Variants in CWF19L1 observed in about 807,000 individuals in gnomAD.
The protein encoded by CWF19L1 is CWF19-like protein 1.
CWF19L1 carries 60 observed loss-of-function variants against 69.7 expected under a neutral mutation model. That is an observed-to-expected ratio of 0.86 (90% CI 0.70 to 1.07). The LOEUF (loss-of-function observed/expected upper bound fraction) is 1.07. Ranked by LOEUF, CWF19L1 falls within the 50% of genes least tolerant of loss-of-function variation. The pLI, the probability that CWF19L1 is intolerant of heterozygous loss-of-function variation, is 0.00. For synonymous variants in CWF19L1, 209 were observed against 222.2 expected (o/e 0.94, Z 0.53); for missense variants, 591 against 638.9 (o/e 0.92, Z 0.81).
intron 6 of CWF19L1, among the ~76,000 whole-genome samples, chr10:100,252,442 A>AG (rs1847069015): frequency 6.6e-6 from 1 of 151,832 alleles, no homozygotes; most frequent in African/African-American, 2.4e-5. Flanking sequence ...CTCAAAAAAA[A>AG]GAACTTGACC....
intron 12 of CWF19L1, among the ~76,000 whole-genome samples, chr10:100,236,122 A>G (rs1393303089): frequency 9.4e-6 from 1 of 105,932 alleles, no homozygotes; most frequent in Non-Finnish European, 1.8e-5. Context: ...TTTTTTTTTT[A>G]GAGACAGGGT....
Position 100,233,242 on chromosome 10 carries a change from A to C in CWF19L1, c.1602T>G (p.Phe534Leu). The C allele has an allele frequency of 6.2e-7, 1 of 1,612,614 alleles. No individual in the cohort carries two copies. The change falls in exon 14 of 14, where the codon TTT becomes TTG. Residue 534 changes from phenylalanine (F) to leucine (L), a missense_variant. Phe to Leu is a conservative substitution (Grantham distance 22). Coordinates refer to ENST00000354105, the MANE Select transcript of CWF19L1 (RefSeq NM_018294.6). ...TCCCTTTGTTTTAGTCATCCAGAGTAAAGTCATAGGGCTCAAAGTCTTTCC... is the reference window on the plus strand; with the variant it reads ...TCCCTTTGTTTTAGTCATCCAGAGTCAAGTCATAGGGCTCAAAGTCTTTCC... ...RFRKDFEPYD[F>L]TLDD
chr10:100,237,805 C>G (rs141173907), intron 11 of CWF19L1, among the ~76,000 whole-genome samples: 1,679 of 152,078 alleles, frequency 0.011, 19 homozygotes, highest in African/African-American at 0.038. Context: ...CACCACCACG[C>G]CCAGCTAATT....
rs537058145 is a variant in CWF19L1 at position 100,255,632 on chromosome 10, G to C, written c.504+630C>G. On this transcript the variant is annotated intron_variant, in intron 5 of 13. Coordinates refer to ENST00000354105, the MANE Select transcript of CWF19L1 (RefSeq NM_018294.6). ...CAAAAAATTAGCCAGGCATGGCAGT[G>C]TGCGCCTATAGTCCCAGCTACTTGG... 2.0e-3 allele frequency among the ~76,000 whole-genome samples: 306 copies of C among 152,118 alleles called. 1 individual carries two copies. The highest frequency in any genetic ancestry group is 6.8e-3 in the African/African-American group (283 of 41,496).
rs11190431 is a variant in CWF19L1, at chr10:100,237,733, G to A, written c.1254+289C>T. Among the ~76,000 whole-genome samples, 32,189 of 151,794 alleles carry A rather than the reference G, an allele frequency of 0.21. 6,329 individuals carry two copies. Among genetic ancestry groups the A allele is most frequent in the African/African-American group, 0.53 (21,710 of 41,336 alleles). Reference sequence around the variant, plus strand: ...ACAATCTCGGCTCACTGCAACCTCTGCCTCCCAGGTTCAAGCTATTCTCCT... The same window carrying A: ...ACAATCTCGGCTCACTGCAACCTCTACCTCCCAGGTTCAAGCTATTCTCCT... On this transcript the variant is annotated intron_variant, in intron 11 of 13. Transcript: ENST00000354105.
chr10:100,250,322 T>C lies in CWF19L1; in HGVS notation c.634A>G (p.Ile212Val), dbSNP rs2134299713. The change falls in exon 7 of 14, where the codon ATT becomes GTT. Residue 212 changes from isoleucine (I) to valine (V), a missense_variant. Physicochemically the swap from Ile to Val is conservative, Grantham distance 29. This residue lies in a region of CWF19L1 where 458 missense variants were observed against 489.3 expected (regional missense o/e 0.94). Transcript: ENST00000354105. ...GCATGCTGTGCATTTTCCTGTAGAA[T>C]GATATGGTTTCTACAACATATTTGA... ...YERLPYRNHI[I>V]LQENAQHATR... The C allele has an allele frequency of 6.2e-7, 1 of 1,605,860 alleles. No individual in the cohort carries two copies. The highest frequency in any genetic ancestry group is 1.1e-5 in the South Asian group (1 of 90,916).
At chr10:100,248,713 G>A (rs983320118) in intron 7 of CWF19L1, 13 of 1,111,114 alleles carry the variant, frequency 1.2e-5, no homozygotes, top group Admixed American at 3.5e-5. Context: ...GATGAGCAAC[G>A]ACCTTACAGA....
intron 4 of CWF19L1, among the ~76,000 whole-genome samples, chr10:100,258,882 A>C (rs891058024): frequency 1.3e-5 from 2 of 149,760 alleles, no homozygotes; most frequent in Non-Finnish European, 3.0e-5. Context: ...CAAGGAGGAA[A>C]TGTGAAGAAT....
At chr10:100,264,022 T>C (rs1313032411) in intron 1 of CWF19L1, among the ~76,000 whole-genome samples, 1 of 152,192 alleles carries the variant, frequency 6.6e-6, no homozygotes, top group Non-Finnish European at 1.5e-5. Context: ...GGACCACATA[T>C]GTAATGGTGG....
At chr10:100,243,631 C>A (rs1042732394) in intron 10 of CWF19L1, 67 bp downstream of exon 10, 7 of 1,328,560 alleles carry the variant, frequency 5.3e-6, no homozygotes, top group Non-Finnish European at 7.6e-6. Flanking sequence ...GTAGATTATG[C>A]CTCAATAAAG....
chr10:100,245,825 G>C lies in CWF19L1; in HGVS notation c.938C>G (p.Pro313Arg). Residue 313 changes from proline (P) to arginine (R), a missense_variant, in exon 9 of 14, where the codon CCT (proline) becomes CGT (arginine). By Grantham distance (103) the Pro-to-Arg change is moderately radical. Around this residue, in one of 3 missense-constraint regions of CWF19L1, gnomAD observed 458 missense variants for 489.3 expected, o/e 0.94. Coordinates refer to ENST00000354105, the MANE Select transcript of CWF19L1 (RefSeq NM_018294.6). ...AGGTTTGCGAGGCTGCTTTGGATGA[G>C]GAGAAGATTTGCTATCTCTACCTGT... ...SSTGRDSKSS[P>R]HPKQPRKPPQ... 6.2e-7 allele frequency: 1 copy of C among 1,614,080 alleles called. No homozygotes were observed. The highest frequency in any genetic ancestry group is 1.1e-5 in the South Asian group (1 of 91,092).
intron 13 of CWF19L1, chr10:100,234,028 A>G (rs1443598112): frequency 6.6e-6 from 1 of 152,226 alleles, no homozygotes; most frequent in African/African-American, 2.4e-5. Flanking sequence ...GGACTAAAGA[A>G]TAACTACATA....
chr10:100,245,942 T>C (rs371905170), intron 8 of CWF19L1, 29 bp from the exon 9 acceptor site: 3 of 1,525,744 alleles, frequency 2.0e-6, no homozygotes, highest in Admixed American at 1.7e-5. Context: ...GAAGATTAAA[T>C]GTTATTCAAC....
chr10:100,264,643 C>T (rs1847513662), intron 1 of CWF19L1, among the ~76,000 whole-genome samples: 1 of 151,428 alleles, frequency 6.6e-6, no homozygotes, highest in African/African-American at 2.4e-5. Flanking sequence ...TGTAAAAAAG[C>T]CTCAGGCAGG....
At chr10:100,267,440 C>T (rs1847638667) in intron 1 of CWF19L1, 131 bp downstream of exon 1, 14 of 1,578,790 alleles carry the variant, frequency 8.9e-6, no homozygotes, top group Non-Finnish European at 8.6e-6. Flanking sequence ...ATCACCTAAG[C>T]TCCCCAGCAG....
rs750444135 is a variant in CWF19L1 at position 100,246,867 on chromosome 10, C to T, written c.777G>A (p.Pro259=). The change falls in exon 8 of 14, where the codon CCG becomes CCA. Residue 259 remains proline, a synonymous_variant. Transcript: ENST00000354105. ...MDAAELVKQP[P]DVTENPYRKS... ...TTCTGTAAGGGTTTTCAGTGACATC[C>T]GGAGGCTGTTTTACCAGTTCTGCTG... 8.7e-6 allele frequency: 14 copies of T among 1,613,918 alleles called. No individual in the cohort carries two copies. Among genetic ancestry groups the T allele is most frequent in the African/African-American group, 4.0e-5 (3 of 74,902 alleles).
At chr10:100,247,051 G>C (rs182972516) in intron 7 of CWF19L1, 116 bp from the exon 8 acceptor site, 5 of 964,360 alleles carry the variant, frequency 5.2e-6, no homozygotes, top group Non-Finnish European at 5.9e-6. Context: ...AAAATTAAAA[G>C]AACAGCAACC....
chr10:100,235,603 T>C, intron 13 of CWF19L1, 64 bp downstream of exon 13: 1 of 1,168,634 alleles, frequency 8.6e-7, no homozygotes, highest in Non-Finnish European at 1.3e-6. Flanking sequence ...AATTGTCCCA[T>C]GTAGCCCACC....
chr10:100,248,180 C>G lies in CWF19L1; in HGVS notation c.709-1245G>C, dbSNP rs1846893186. ...AAATCTACATTTGCTAAGAATTGGGCAAAAAAGCTGAAAATAGGCTGGGGA... is the reference window on the plus strand; with the variant it reads ...AAATCTACATTTGCTAAGAATTGGGGAAAAAAGCTGAAAATAGGCTGGGGA... On this transcript the variant is annotated intron_variant, in intron 7 of 13. Coordinates refer to ENST00000354105, the MANE Select transcript of CWF19L1 (RefSeq NM_018294.6). The G allele has an allele frequency of 1.3e-5, 8 of 639,116 alleles. No individual in the cohort carries two copies. The South Asian group carries it at 1.3e-4, about 10-fold the overall frequency. The allele number at this position is 639,116 out of a possible 1,614,324, so 39.6% of individuals were successfully genotyped here.
Sources: allele counts gnomAD v4.1 joint callset (sites outside exome capture counted in the v4.1 genomes callset), GRCh38; gene constraint gnomAD v4.1.1; regional missense constraint gnomAD v4.1.1; transcripts MANE v1.5; gene names NCBI Gene and HGNC (gene_info 2026-07-23, HGNC 2026-07-21).